The following PAK5 variants were observed in gnomAD, a reference collection of about 807,000 sequenced individuals.
PAK5 encodes the protein p21 (RAC1) activated kinase 5, also known as serine/threonine-protein kinase PAK 5.
In PAK5, 16 loss-of-function variants were observed where a neutral mutation model predicts 65.9. That is an observed-to-expected ratio of 0.24 (90% CI 0.16 to 0.37). The LOEUF (loss-of-function observed/expected upper bound fraction) is 0.37, where lower values mean the gene tolerates loss of function less well. Among genes scored for constraint, PAK5 ranks in the 10% least tolerant of loss-of-function variants. The pLI, the probability that PAK5 is intolerant of heterozygous loss-of-function variation, is 1.00. For synonymous variants in PAK5, 371 were observed against 354.9 expected (o/e 1.05, Z -0.51); for missense variants, 785 against 903.9 (o/e 0.87, Z 1.69).
At chr20:9,740,838 G>A (rs1207926998) in intron 1 of PAK5, among the ~76,000 whole-genome samples, 1 of 152,198 alleles carries the variant, frequency 6.6e-6, no homozygotes, top group Non-Finnish European at 1.5e-5. Flanking sequence ...TTTTGTAGTT[G>A]TTTGTTATGC....
intron 1 of PAK5, among the ~76,000 whole-genome samples, chr20:9,828,958 T>C (rs899691323): frequency 2.6e-5 from 4 of 152,018 alleles, no homozygotes; most frequent in Admixed American, 2.0e-4. Flanking sequence ...AGTTGGAAAA[T>C]AGGGTAATAG....
chr20:9,793,185 T>C (rs554986722), intron 1 of PAK5, among the ~76,000 whole-genome samples: 1 of 152,284 alleles, frequency 6.6e-6, no homozygotes, highest in South Asian at 2.1e-4. Context: ...TCACCCATCA[T>C]TTAAGCATCC....
chr20:9,754,508 G>A (rs1043375547), intron 1 of PAK5, among the ~76,000 whole-genome samples: 1 of 152,104 alleles, frequency 6.6e-6, no homozygotes, highest in Non-Finnish European at 1.5e-5. Flanking sequence ...TGCAAGGTCT[G>A]AAAAATATCT....
At chr20:9,745,742 C>A (rs2048499813) in intron 1 of PAK5, among the ~76,000 whole-genome samples, 1 of 151,930 alleles carries the variant, frequency 6.6e-6, no homozygotes, top group East Asian at 1.9e-4. Context: ...TGCTGCCACT[C>A]CATGGATCAC....
chr20:9,774,309 C>G (rs1292842960), intron 1 of PAK5, among the ~76,000 whole-genome samples: 1 of 152,194 alleles, frequency 6.6e-6, no homozygotes, highest in Non-Finnish European at 1.5e-5. Context: ...ATGCACAAAA[C>G]TGTGATAGAG....
intron 1 of PAK5, among the ~76,000 whole-genome samples, chr20:9,836,824 T>A (rs892239381): frequency 6.6e-6 from 1 of 152,172 alleles, no homozygotes; most frequent in African/African-American, 2.4e-5. Context: ...GATTAATCCG[T>A]ACATCTACTC....
At chr20:9,709,132 C>G (rs557396048) in intron 2 of PAK5, among the ~76,000 whole-genome samples, 7 of 152,166 alleles carry the variant, frequency 4.6e-5, no homozygotes, top group Admixed American at 2.0e-4. Flanking sequence ...AAAGGCCTAG[C>G]CTTTTAATGA....
chr20:9,596,143 T>C (rs998620519), intron 3 of PAK5, among the ~76,000 whole-genome samples: 5 of 152,236 alleles, frequency 3.3e-5, no homozygotes, highest in African/African-American at 1.2e-4. Flanking sequence ...TTCTGGTCTT[T>C]AATTTCCTCC....
intron 2 of PAK5, among the ~76,000 whole-genome samples, chr20:9,707,814 GA>G (rs1489718729): frequency 1.3e-5 from 2 of 152,238 alleles, no homozygotes; most frequent in East Asian, 3.9e-4. Context: ...AAGCATCTGA[GA>G]CTATTCAGCC....
At chr20:9,730,162 A>C (rs1052408365) in intron 1 of PAK5, among the ~76,000 whole-genome samples, 2 of 151,906 alleles carry the variant, frequency 1.3e-5, no homozygotes, top group African/African-American at 4.8e-5. Context: ...ATTTTAAAAT[A>C]TTTAAGATTA....
At chr20:9,690,349 T>C (rs1016066766) in intron 2 of PAK5, among the ~76,000 whole-genome samples, 2 of 152,200 alleles carry the variant, frequency 1.3e-5, no homozygotes, top group Non-Finnish European at 2.9e-5. Context: ...TGGTATATCA[T>C]ATCATTTTTG....
chr20:9,667,032 C>A (rs528996801), intron 2 of PAK5, among the ~76,000 whole-genome samples: 1 of 152,152 alleles, frequency 6.6e-6, no homozygotes. Flanking sequence ...AATCCCAGCA[C>A]TTGGGAAGCC....
chr20:9,735,842 A>G (rs1255780584), intron 1 of PAK5, among the ~76,000 whole-genome samples: 3 of 152,042 alleles, frequency 2.0e-5, no homozygotes, highest in East Asian at 2.0e-4. Context: ...CCCAGCCAAC[A>G]TGACAAAAAC....
intron 1 of PAK5, among the ~76,000 whole-genome samples, chr20:9,734,317 C>G (rs1339684870): frequency 6.6e-6 from 1 of 152,012 alleles, no homozygotes; most frequent in Non-Finnish European, 1.5e-5. Flanking sequence ...AGTCAAAGAG[C>G]TAGGATGGCC....
chr20:9,800,925 C>G (rs1406824669), intron 1 of PAK5, among the ~76,000 whole-genome samples: 2 of 151,818 alleles, frequency 1.3e-5, no homozygotes, highest in African/African-American at 4.8e-5. Flanking sequence ...CGAGAGCTAA[C>G]TAGTGAAAGA....
intron 1 of PAK5, chr20:9,784,475 G>T (rs1352819901): frequency 6.6e-6 from 1 of 152,136 alleles, no homozygotes; most frequent in Non-Finnish European, 1.5e-5. Context: ...AGAGCCATGG[G>T]GCTGGATATG....
At chr20:9,672,409 C>A (rs978325340) in intron 2 of PAK5, among the ~76,000 whole-genome samples, 16 of 149,946 alleles carry the variant, frequency 1.1e-4, no homozygotes, top group Admixed American at 2.0e-4. Flanking sequence ...TCCCATAATT[C>A]CCACCTATCA....
intron 3 of PAK5, among the ~76,000 whole-genome samples, chr20:9,614,920 A>G (rs1176799238): frequency 6.6e-6 from 1 of 152,236 alleles, no homozygotes; most frequent in African/African-American, 2.4e-5. Flanking sequence ...AGTGAAGGTA[A>G]AATGAAATTT....
rs73241778 is a variant in PAK5 at position 9,560,839 on chromosome 20, G to T, written c.1616+2052C>A. ...TTCCTGGAAATTAGAAGGATCTGAC[G>T]TAACAAGATGTTAAGTTAATGCTAA... On this transcript the variant is annotated intron_variant, in intron 6 of 9. Transcript: ENST00000353224. 7.2e-3 allele frequency among the ~76,000 whole-genome samples: 1,102 copies of T among 152,196 alleles called. 18 individuals are homozygous for T. The highest frequency in any genetic ancestry group is 0.025 in the African/African-American group (1,038 of 41,516).
Sources: allele counts gnomAD v4.1 joint callset (sites outside exome capture counted in the v4.1 genomes callset), GRCh38; gene constraint gnomAD v4.1.1; transcripts MANE v1.5; gene names NCBI Gene and HGNC (gene_info 2026-07-23, HGNC 2026-07-21).